LAMB1: variants seen among roughly 807,000 people sequenced by gnomAD.
The protein encoded by LAMB1 is laminin subunit beta-1.
A neutral mutation model predicts 222.3 loss-of-function variants in LAMB1; 121 were observed. The observed-to-expected ratio is 0.54, with a 90% CI of 0.47 to 0.63. The LOEUF (loss-of-function observed/expected upper bound fraction) is 0.63. LAMB1 is among the 30% of genes least tolerant of loss of function. LAMB1 has a pLI of 0.00. For synonymous variants in LAMB1, 794 were observed against 807.2 expected, an observed-to-expected ratio of 0.98 and a Z score of 0.28; for missense variants, 2,172 against 2,240.8, an observed-to-expected ratio of 0.97 and a Z score of 0.62.
rs754022637 is a variant in LAMB1, at chr7:107,963,062, C to T, written c.1700G>A (p.Gly567Glu). ...ATATTGCCGCTCCACTATGCTAACCCCCTGAGGGCATGGCAAACAATGGTT... is the reference window on the plus strand; with the variant it reads ...ATATTGCCGCTCCACTATGCTAACCTCCTGAGGGCATGGCAAACAATGGTT... ...YEAEEANLGP[G>E]VSIVERQYIQ... The change falls in exon 15 of 34, where the codon GGG becomes GAG. Residue 567 changes from glycine (G) to glutamate (E), a missense_variant and splice_region_variant. Coordinates refer to ENST00000222399, the MANE Select transcript of LAMB1 (RefSeq NM_002291.3). 43 of 1,602,310 alleles carry T rather than the reference C, an allele frequency of 2.7e-5. No homozygotes were observed. The South Asian group carries it at 4.8e-4, about 18-fold the overall frequency.
intron 27 of LAMB1, among the ~76,000 whole-genome samples, chr7:107,933,569 G>T (rs1037627043): frequency 1.3e-5 from 2 of 151,152 alleles, no homozygotes; most frequent in South Asian, 4.2e-4. Flanking sequence ...ACACATAGAA[G>T]ATCTGTTTTG....
Position 107,937,080 on chromosome 7 carries a change from A to G in LAMB1, c.3946+13T>C. On this transcript the variant is annotated intron_variant, in intron 26 of 33. Coordinates refer to ENST00000222399, the MANE Select transcript of LAMB1 (RefSeq NM_002291.3). ...TCCATTGTCTGGGACTATTTGCACC[A>G]AAAAATGCTCACCCCGAATATCTGA... 1 of 1,608,078 alleles carries G rather than the reference A, an allele frequency of 6.2e-7. No individual in the cohort carries two copies. The highest frequency in any genetic ancestry group is 1.3e-5 in the African/African-American group (1 of 74,848).
chr7:107,982,612 AC>A (rs2150444202), intron 7 of LAMB1, among the ~76,000 whole-genome samples: 1 of 152,312 alleles, frequency 6.6e-6, no homozygotes, highest in Non-Finnish European at 1.5e-5. Flanking sequence ...AAGAGGCCAA[AC>A]AACAAACTTG....
At chr7:107,929,649 A>G (rs1057172923) in intron 29 of LAMB1, 30 bp from the exon 30 acceptor site, 1 of 1,574,954 alleles carries the variant, frequency 6.3e-7, no homozygotes, top group Non-Finnish European at 8.7e-7. Context: ...CCCCAAAAAG[A>G]GGTGAAAAGA....
intron 4 of LAMB1, among the ~76,000 whole-genome samples, chr7:107,997,166 G>A (rs1019063296): frequency 3.3e-5 from 5 of 152,230 alleles, no homozygotes; most frequent in African/African-American, 9.6e-5. Flanking sequence ...GTTCACACCT[G>A]TAATCCCAGC....
In LAMB1 at chr7:107,940,108, C is replaced by A. The variant is rs569355700; in HGVS notation, c.3642G>T (p.Gly1214=). 398 of 1,614,160 alleles carry A rather than the reference C, an allele frequency of 2.5e-4. 2 individuals carry two copies. The Middle Eastern group carries it at 2.5e-3, about 10-fold the overall frequency. The change falls in exon 25 of 34, where the codon GGG becomes GGT. Residue 1214 remains glycine, a synonymous_variant. Transcript: ENST00000222399. The stretch of plus-strand genomic sequence containing the variant: ...CCGAGTCCACAGTCTCACGGTAAGG[C>A]CCGATCACACCACTGATCTTCAAGG... ...AKALKISGVI[G]PYRETVDSVE...
chr7:107,975,533 C>G (rs1402339306), intron 10 of LAMB1, 120 bp from the exon 11 acceptor site: 7 of 1,245,082 alleles, frequency 5.6e-6, no homozygotes, highest in Admixed American at 5.3e-5. Context: ...AGCAGCACAA[C>G]TACCAAGTAA....
intron 23 of LAMB1, among the ~76,000 whole-genome samples, chr7:107,951,722 G>A (rs950550864): frequency 6.6e-6 from 1 of 152,174 alleles, no homozygotes; most frequent in African/African-American, 2.4e-5. Flanking sequence ...TAAGAAAAGA[G>A]TCTGCTTCAG....
chr7:107,931,595 T>C, intron 28 of LAMB1, 95 bp from the exon 29 acceptor site: 7 of 1,177,374 alleles, frequency 5.9e-6, no homozygotes, highest in South Asian at 1.3e-5. Flanking sequence ...GTTGAAAAAC[T>C]ATGTACTTGG....
Position 107,998,365 on chromosome 7 carries a change from G to C in LAMB1, c.341C>G (p.Ser114Cys). 4 of 1,614,002 alleles carry C rather than the reference G, an allele frequency of 2.5e-6. No individual in the cohort carries two copies. Among genetic ancestry groups the C allele is most frequent in the Non-Finnish European group, 3.4e-6 (4 of 1,179,986 alleles). ...CCACACCAACCACATACCATTTTCA[G>C]ATTGCCACCAAATCTTAAGGCGGTT... ...APNRLKIWWQ[S>C]ENGVENVTIQ... Residue 114 changes from serine to cysteine, a missense_variant, in exon 4 of 34, where the codon TCT (serine) becomes TGT (cysteine). Physicochemically the swap from Ser to Cys is moderately radical, Grantham distance 112. Coordinates refer to ENST00000222399, the MANE Select transcript of LAMB1 (RefSeq NM_002291.3).
rs376990856 is a variant in LAMB1, at chr7:107,998,315, C to T, written c.349+42G>A. On this transcript the variant is annotated intron_variant, in intron 4 of 33. Coordinates refer to ENST00000222399, the MANE Select transcript of LAMB1 (RefSeq NM_002291.3). ...AACCTGTAAGCTCCACCCAAGTTAT[C>T]AATCACACTCAACGGAACTTGTCCC... The T allele has an allele frequency of 8.1e-6, 13 of 1,602,440 alleles. No homozygotes were observed. The African/African-American group carries it at 1.5e-4, about 18-fold the overall frequency.
chr7:107,954,331 ATTTTT>A (rs35519789), intron 21 of LAMB1, among the ~76,000 whole-genome samples: 1 of 133,620 alleles, frequency 7.5e-6, no homozygotes, highest in Non-Finnish European at 1.6e-5. Context: ...ATTTTGTAAA[ATTTTT>A]TTTTTTTTTT....
At position 107,937,156 on chromosome 7, in the gene LAMB1, G is replaced by T. The variant is rs1468239402; in HGVS notation, c.3883C>A (p.Leu1295Ile). ...GCAAGTTCTTTCACAGTGTTGTCTA[G>T]GCTTTCGGCTTCTGTCTGTAGAGAA... ...LDSLQTEAES[L>I]DNTVKELAEQ... is the part of the protein sequence containing the mutation. Residue 1295 changes from leucine to isoleucine, a missense_variant, in exon 26 of 34, where the codon CTA becomes ATA. Physicochemically the swap from Leu to Ile is conservative, Grantham distance 5 (BLOSUM62 2). Transcript: ENST00000222399. 1 of 1,613,954 alleles carries T rather than the reference G, an allele frequency of 6.2e-7. No individual in the cohort carries two copies.
chr7:107,991,801 G>T (rs150239508), intron 5 of LAMB1, among the ~76,000 whole-genome samples: 2 of 151,190 alleles, frequency 1.3e-5, no homozygotes, highest in African/African-American at 2.4e-5. Flanking sequence ...CTAGCTACTC[G>T]GGAGGCTAAG....
intron 25 of LAMB1, among the ~76,000 whole-genome samples, chr7:107,938,750 A>G (rs1335982242): frequency 6.6e-6 from 1 of 152,164 alleles, no homozygotes; most frequent in African/African-American, 2.4e-5. Flanking sequence ...TAGGAGGCTT[A>G]GTCTTTTCAG....
At chr7:107,975,213 C>G in intron 11 of LAMB1, 21 bp downstream of exon 11, 2 of 1,600,556 alleles carry the variant, frequency 1.2e-6, no homozygotes, top group Admixed American at 1.7e-5. Context: ...AACTCCCAAA[C>G]TTTTTAGCAA....
chr7:107,983,990 A>G (rs144611135), intron 7 of LAMB1, among the ~76,000 whole-genome samples: 18 of 152,294 alleles, frequency 1.2e-4, no homozygotes, highest in Non-Finnish European at 2.1e-4. Flanking sequence ...ATCCAACTCT[A>G]TAAGCTTCAG....
chr7:107,954,172 A>C (rs918207358), intron 21 of LAMB1, among the ~76,000 whole-genome samples: 1 of 151,984 alleles, frequency 6.6e-6, no homozygotes, highest in Non-Finnish European at 1.5e-5. Context: ...CATTTTTTTA[A>C]GACATGGGGC....
chr7:107,961,197 C>T lies in LAMB1; in HGVS notation c.2109+9G>A, dbSNP rs1377888383. ...TTCCTGCATATGCCAGAAGCAATCT[C>T]GCACTTACAGAATCGATCAGCGTGT... On this transcript the variant is annotated intron_variant, in intron 17 of 33. Coordinates refer to ENST00000222399, the MANE Select transcript of LAMB1 (RefSeq NM_002291.3). The T allele has an allele frequency of 3.1e-6, 5 of 1,613,910 alleles. No homozygotes were observed. The highest frequency in any genetic ancestry group is 1.1e-5 in the South Asian group (1 of 91,008).
Sources: gnomAD v4.1 joint callset for allele counts (sites outside exome capture counted in the v4.1 genomes callset) on GRCh38, gnomAD v4.1.1 for gene constraint, MANE v1.5 for transcripts, NCBI Gene and HGNC (gene_info 2026-07-23, HGNC 2026-07-21) for gene names.